The following TENM1 variants were observed in gnomAD, a reference collection of about 807,000 sequenced individuals.
TENM1 encodes teneurin transmembrane protein 1, also known as teneurin-1.
Under a neutral mutation model 174.8 loss-of-function variants are expected in TENM1, and 35 were observed. The ratio of observed to expected loss-of-function variants is 0.20; its 90% CI spans 0.15 to 0.27. TENM1 has a LOEUF of 0.27. Among genes scored for constraint, TENM1 ranks in the 10% least tolerant of loss-of-function variants. The pLI is 1.00. For synonymous variants in TENM1, 781 were observed against 798.7 expected (o/e 0.98, Z 0.37); for missense variants, 1,633 against 2,130.1 (o/e 0.77, Z 4.59).
intron 1 of TENM1, among the ~76,000 whole-genome samples, chrX:124,924,888 A>C (rs1482830839): frequency 3.6e-5 from 4 of 110,315 alleles, no homozygotes; most frequent in African/African-American, 1.3e-4. Flanking sequence ...TCAAACATGT[A>C]CTAACAGTGT....
the TENM1 span, among the ~76,000 whole-genome samples, chrX:125,195,246 C>T: frequency 8.9e-6 from 1 of 111,805 alleles, no homozygotes; most frequent in Non-Finnish European, 1.9e-5. Flanking sequence ...TGTCACAGAT[C>T]ATCAGTGTAA....
chrX:124,880,726 T>A (rs112986904), intron 3 of TENM1, among the ~76,000 whole-genome samples: 2,662 of 111,602 alleles, frequency 0.024, 75 homozygotes, highest in African/African-American at 0.082. Flanking sequence ...GAGAGGTTTT[T>A]AATTTTTTAT....
chrX:125,015,567 G>A, the TENM1 span, among the ~76,000 whole-genome samples: 1 of 111,500 alleles, frequency 9.0e-6, no homozygotes, highest in Non-Finnish European at 1.9e-5. Context: ...TGGAAGAATC[G>A]TTATTAACCT....
chrX:124,890,438 G>T (rs1000704871), intron 3 of TENM1, among the ~76,000 whole-genome samples: 3 of 111,757 alleles, frequency 2.7e-5, no homozygotes, highest in African/African-American at 9.8e-5. Context: ...CATCTGACAA[G>T]GGATTAATAC....
chrX:124,532,319 TA>T (rs758966908), intron 15 of TENM1, among the ~76,000 whole-genome samples: 16 of 112,228 alleles, frequency 1.4e-4, no homozygotes, highest in African/African-American at 5.2e-4. Flanking sequence ...TATTTTCTCA[TA>T]TTTTATGACA....
chrX:124,816,544 C>A (rs2055899508), intron 3 of TENM1, among the ~76,000 whole-genome samples: 1 of 111,624 alleles, frequency 9.0e-6, no homozygotes, highest in African/African-American at 3.2e-5. Context: ...TCTCTGGCAT[C>A]TTATTTCATG....
At chrX:124,717,431 G>T (rs988753963) in intron 4 of TENM1, among the ~76,000 whole-genome samples, 4 of 111,561 alleles carry the variant, frequency 3.6e-5, no homozygotes, top group African/African-American at 1.3e-4. Context: ...CACAACTGGG[G>T]AAGCCAAGAT....
At chrX:124,674,303 CAAAAAAAAAAAAAA>C (rs745969451) in intron 5 of TENM1, among the ~76,000 whole-genome samples, 9 of 16,624 alleles carry the variant, frequency 5.4e-4, no homozygotes, top group Non-Finnish European at 1.0e-3. Flanking sequence ...TATCAAAAGG[CAAAAAAAAAAAAAA>C]AAAAAAAAAA....
At chrX:124,532,628 C>A (rs1051267113) in intron 15 of TENM1, among the ~76,000 whole-genome samples, 30 of 111,994 alleles carry the variant, frequency 2.7e-4, no homozygotes, top group African/African-American at 9.7e-4. Context: ...TCATTTCACT[C>A]TTCATCACTC....
chrX:125,149,596 TA>T, the TENM1 span, among the ~76,000 whole-genome samples: 1 of 112,012 alleles, frequency 8.9e-6, no homozygotes, highest in Non-Finnish European at 1.9e-5. Context: ...CAATAGAGGA[TA>T]AATTCTAATG....
intron 1 of TENM1, among the ~76,000 whole-genome samples, chrX:124,938,069 T>A (rs763304515): frequency 1.8e-5 from 2 of 111,855 alleles, no homozygotes; most frequent in Non-Finnish European, 3.8e-5. Context: ...AAGAGCAACA[T>A]AATTCAATTC....
At chrX:124,641,764 A>G in intron 11 of TENM1, 27 bp downstream of exon 14, 1 of 1,171,530 alleles carries the variant, frequency 8.5e-7, no homozygotes, top group Non-Finnish European at 1.2e-6. Flanking sequence ...GAGTAGAGGA[A>G]GGAGAAGGAA....
At chrX:124,584,135 C>T (rs1349352947) in intron 11 of TENM1, among the ~76,000 whole-genome samples, 2 of 110,253 alleles carry the variant, frequency 1.8e-5, no homozygotes, top group Non-Finnish European at 3.8e-5. Flanking sequence ...AGGAGAACTT[C>T]CCAAATCTAG....
At chrX:124,988,261 G>A in the TENM1 span, among the ~76,000 whole-genome samples, 1 of 111,770 alleles carries the variant, frequency 8.9e-6, no homozygotes, top group Non-Finnish European at 1.9e-5. Flanking sequence ...TGAAAATGGA[G>A]ACATTGCTAA....
At chrX:124,752,152 T>A (rs745431468) in intron 3 of TENM1, among the ~76,000 whole-genome samples, 1 of 111,452 alleles carries the variant, frequency 9.0e-6, no homozygotes, top group African/African-American at 3.3e-5. Context: ...CTCCAACACC[T>A]GTTGTTTCCT....
chrX:124,568,109 T>C (rs2048980217), intron 11 of TENM1, among the ~76,000 whole-genome samples: 1 of 112,024 alleles, frequency 8.9e-6, no homozygotes, highest in African/African-American at 3.2e-5. Context: ...TGTAACAATT[T>C]TTTAAATTGC....
the TENM1 span, among the ~76,000 whole-genome samples, chrX:125,006,005 G>A: frequency 1.8e-5 from 2 of 111,556 alleles, no homozygotes; most frequent in Non-Finnish European, 3.8e-5. Context: ...TGGAACTCCA[G>A]TGAGACAGGA....
In TENM1 at chrX:124,406,298, T is replaced by A. The variant is rs1332845922; in HGVS notation, c.5155+19A>T. On this transcript the variant is annotated intron_variant, in intron 26 of 31. Coordinates refer to ENST00000422452, the Ensembl canonical transcript of TENM1. ...ACATAGGGGCTGTTACAGTCAGATA[T>A]CGTTGGAAACAATCTTACCTTGTTT... is the stretch of plus-strand genomic sequence containing the variant. 8.5e-7 allele frequency: 1 copy of A among 1,182,110 alleles called. No homozygotes were observed. The highest frequency in any genetic ancestry group is 1.8e-5 in the African/African-American group (1 of 56,348).
intron 6 of TENM1, among the ~76,000 whole-genome samples, chrX:124,657,129 CATTTA>C (rs946129095): frequency 4.5e-5 from 5 of 111,585 alleles, no homozygotes; most frequent in African/African-American, 1.6e-4. Flanking sequence ...TTCTAATTGG[CATTTA>C]ATCTCTTATT....
Sources: allele counts gnomAD v4.1 joint callset (sites outside exome capture counted in the v4.1 genomes callset), GRCh38; gene constraint gnomAD v4.1.1; transcripts MANE v1.5; gene names NCBI Gene and HGNC (gene_info 2026-07-23, HGNC 2026-07-21).